Variants in ADAMTS18 observed in about 807,000 individuals in gnomAD.
The protein encoded by ADAMTS18 is A disintegrin and metalloproteinase with thrombospondin motifs 18.
In ADAMTS18, 157 loss-of-function variants were observed where a neutral mutation model predicts 165.9. That is an observed-to-expected ratio of 0.95 (90% CI 0.83 to 1.08). ADAMTS18 has a LOEUF of 1.08. ADAMTS18 is among the 50% of genes least tolerant of loss of function. The probability of loss-of-function intolerance (pLI) is 0.00; values close to 1 mark genes in which losing one functional copy is unlikely to be tolerated. For synonymous variants in ADAMTS18, 782 were observed against 578.2 expected, an observed-to-expected ratio of 1.35 and a Z score of -5.06; for missense variants, 2,040 against 1,534.0, an observed-to-expected ratio of 1.33 and a Z score of -5.51.
intron 18 of ADAMTS18, among the ~76,000 whole-genome samples, chr16:77,295,937 A>C (rs1444532050): frequency 1.3e-5 from 2 of 151,862 alleles, no homozygotes; most frequent in Non-Finnish European, 2.9e-5. Context: ...TCTGCCTCCC[A>C]GGCTCAAGTG....
At chr16:77,323,862 C>T (rs2056047671) in intron 13 of ADAMTS18, among the ~76,000 whole-genome samples, 2 of 152,176 alleles carry the variant, frequency 1.3e-5, no homozygotes, top group Admixed American at 6.5e-5. Context: ...GTGCATTCTG[C>T]TCTGCATCTA....
intron 7 of ADAMTS18, among the ~76,000 whole-genome samples, chr16:77,360,898 C>G (rs1026862411): frequency 2.0e-5 from 3 of 151,988 alleles, no homozygotes; most frequent in African/African-American, 4.8e-5. Context: ...ACCAGCCTGG[C>G]CAACATGGTG....
intron 10 of ADAMTS18, among the ~76,000 whole-genome samples, chr16:77,343,659 G>A (rs2056432619): frequency 6.6e-6 from 1 of 152,122 alleles, no homozygotes; most frequent in South Asian, 2.1e-4. Context: ...CACTACACTA[G>A]GCCTGGATTT....
intron 18 of ADAMTS18, 51 bp from the exon 19 acceptor site, chr16:77,295,178 C>G: frequency 1.3e-6 from 2 of 1,599,272 alleles, no homozygotes; most frequent in Non-Finnish European, 1.7e-6. Context: ...TGTATGATAA[C>G]TTCCAAAGCA....
At chr16:77,323,336 A>G (rs2056037180) in intron 13 of ADAMTS18, among the ~76,000 whole-genome samples, 1 of 152,202 alleles carries the variant, frequency 6.6e-6, no homozygotes, top group African/African-American at 2.4e-5. Context: ...ACCTCTCAAT[A>G]AAAGACAAAC....
intron 7 of ADAMTS18, among the ~76,000 whole-genome samples, chr16:77,360,584 C>T (rs986202739): frequency 6.6e-6 from 1 of 151,918 alleles, no homozygotes; most frequent in Non-Finnish European, 1.5e-5. Flanking sequence ...CTCTTGAAAA[C>T]AATGCACTGG....
At chr16:77,332,843 T>C (rs2056212571) in intron 12 of ADAMTS18, among the ~76,000 whole-genome samples, 1 of 152,196 alleles carries the variant, frequency 6.6e-6, no homozygotes, top group African/African-American at 2.4e-5. Flanking sequence ...ACTTTCTGTG[T>C]TTGAAGAAAA....
At chr16:77,284,699 G>A (rs2055214759) in intron 22 of ADAMTS18, among the ~76,000 whole-genome samples, 1 of 152,076 alleles carries the variant, frequency 6.6e-6, no homozygotes, top group Non-Finnish European at 1.5e-5. Flanking sequence ...ATGTAGCCTG[G>A]GAGCTACCAT....
At chr16:77,290,883 A>G (rs2055348805) in intron 21 of ADAMTS18, 1 of 266,356 alleles carries the variant, frequency 3.8e-6, no homozygotes, top group Non-Finnish European at 7.3e-6. Flanking sequence ...TTGTTCAGAA[A>G]CATGATGTAA....
intron 22 of ADAMTS18, 73 bp downstream of exon 22, chr16:77,289,191 C>T (rs199777997): frequency 6.4e-7 from 1 of 1,571,992 alleles, no homozygotes; most frequent in East Asian, 2.2e-5. Context: ...ACAGGCTGCA[C>T]TACTAACAAA....
At chr16:77,300,556 T>A in intron 16 of ADAMTS18, 152 bp from the exon 17 acceptor site, 3 of 925,992 alleles carry the variant, frequency 3.2e-6, no homozygotes, top group Non-Finnish European at 5.0e-6. Flanking sequence ...TATGTTGACT[T>A]AAAGCTTTCC....
At chr16:77,299,298 A>G (rs527704512) in intron 17 of ADAMTS18, among the ~76,000 whole-genome samples, 1 of 152,352 alleles carries the variant, frequency 6.6e-6, no homozygotes, top group East Asian at 1.9e-4. Context: ...AATTATGGGG[A>G]TTACCTTTCT....
chr16:77,400,488 T>TG (rs2057316186), intron 3 of ADAMTS18, among the ~76,000 whole-genome samples: 1 of 147,120 alleles, frequency 6.8e-6, no homozygotes. Flanking sequence ...GTGTTTTGTT[T>TG]TTTTTTTTTT....
chr16:77,375,890 C>CTTTTTTTTTTT (rs200629744), intron 3 of ADAMTS18, among the ~76,000 whole-genome samples: 28 of 93,894 alleles, frequency 3.0e-4, no homozygotes, highest in South Asian at 4.4e-4. Flanking sequence ...TCTTTCTTTC[C>CTTTTTTTTTTT]TTTTTTTTTT....
At position 77,334,093 on chromosome 16, in the gene ADAMTS18, TTATATATAATATATA is replaced by T. The variant is rs2056240374; in HGVS notation, c.1859+1648_1859+1662del. 2.8e-3 allele frequency among the ~76,000 whole-genome samples: 113 copies of T among 40,832 alleles called. 1 individual carries two copies. Among genetic ancestry groups the T allele is most frequent in the African/African-American group, 4.9e-3 (58 of 11,794 alleles). 26.8% of individuals were successfully genotyped at this position (40,832 alleles called of 152,430 possible). On this transcript the variant is annotated intron_variant, in intron 12 of 22. Coordinates refer to ENST00000282849, the MANE Select transcript of ADAMTS18 (RefSeq NM_199355.4). Reference sequence around the variant, plus strand: ...TATATATAATATACAGTGTTATATATTATATATAATATATAGTGTTATATATTATATATAATATAT... The same window carrying T: ...TATATATAATATACAGTGTTATATATGTGTTATATATTATATATAATATAT...
intron 10 of ADAMTS18, 119 bp downstream of exon 10, chr16:77,353,614 G>C (rs1007365927): frequency 7.4e-7 from 1 of 1,356,748 alleles, no homozygotes; most frequent in African/African-American, 1.4e-5. Context: ...CAACTGACAC[G>C]GTAGAGATAA....
At chr16:77,298,363 T>A (rs1385811212) in intron 17 of ADAMTS18, among the ~76,000 whole-genome samples, 1 of 152,194 alleles carries the variant, frequency 6.6e-6, no homozygotes, top group Non-Finnish European at 1.5e-5. Context: ...CCCCTTTGAA[T>A]TGTGTTTTTT....
rs114502395 is a variant in ADAMTS18, at chr16:77,366,884, A to G, written c.778+557T>C. 5.3e-3 allele frequency among the ~76,000 whole-genome samples: 802 copies of G among 152,298 alleles called. 11 individuals are homozygous for G. Among genetic ancestry groups the G allele is most frequent in the African/African-American group, 0.019 (770 of 41,554 alleles). ...AATAAAATGTTATTAAAATTCATTT[A>G]CCCTTTTTTTTAACTTTTAAAACTT... On this transcript the variant is annotated intron_variant, in intron 4 of 22. Transcript: ENST00000282849.
At chr16:77,409,620 T>C (rs1010897907) in intron 3 of ADAMTS18, among the ~76,000 whole-genome samples, 10 of 152,176 alleles carry the variant, frequency 6.6e-5, no homozygotes. Context: ...CAGTATACAC[T>C]GAAACCCTTA....
Sources: gnomAD v4.1 joint callset for allele counts (sites outside exome capture counted in the v4.1 genomes callset) on GRCh38, gnomAD v4.1.1 for gene constraint, MANE v1.5 for transcripts, NCBI Gene and HGNC (gene_info 2026-07-23, HGNC 2026-07-21) for gene names.